Variants in PTK2B observed in about 807,000 individuals in gnomAD.
PTK2B encodes the protein protein tyrosine kinase 2 beta.
Under a neutral mutation model 142.9 loss-of-function variants are expected in PTK2B, and 71 were observed. That is an observed-to-expected ratio of 0.50 (90% CI 0.41 to 0.61). PTK2B has a LOEUF of 0.61. PTK2B is among the 20% of genes least tolerant of loss of function. PTK2B has a pLI of 0.00. For synonymous variants in PTK2B, 519 were observed against 503.4 expected, an observed-to-expected ratio of 1.03 and a Z score of -0.42; for missense variants, 1,105 against 1,320.4, an observed-to-expected ratio of 0.84 and a Z score of 2.53.
intron 21 of PTK2B, among the ~76,000 whole-genome samples, chr8:27,441,440 T>G (rs577351379): frequency 1.3e-5 from 2 of 152,340 alleles, no homozygotes; most frequent in Non-Finnish European, 2.9e-5. Context: ...GAAAAATATT[T>G]TTAATACTGT....
chr8:27,427,692 A>G (rs569572097), intron 5 of PTK2B, among the ~76,000 whole-genome samples: 26 of 152,308 alleles, frequency 1.7e-4, no homozygotes, highest in African/African-American at 5.3e-4. Flanking sequence ...TGAGCAGGTA[A>G]CACTGGCTTG....
At chr8:27,377,171 C>A (rs77290921) in intron 1 of PTK2B, among the ~76,000 whole-genome samples, 1 of 152,238 alleles carries the variant, frequency 6.6e-6, no homozygotes, top group Admixed American at 6.5e-5. Context: ...GTACTGAAAA[C>A]CAACCAGAAA....
intron 10 of PTK2B, 82 bp downstream of exon 10, chr8:27,432,443 G>A: frequency 7.4e-7 from 1 of 1,357,514 alleles, no homozygotes; most frequent in South Asian, 1.2e-5. Flanking sequence ...CAGACCAAAA[G>A]TCTGTGACAC....
intron 1 of PTK2B, among the ~76,000 whole-genome samples, chr8:27,355,900 G>T (rs1372571224): frequency 6.6e-6 from 1 of 151,980 alleles, no homozygotes; most frequent in Non-Finnish European, 1.5e-5. Context: ...GCAGGCACCT[G>T]TAATCTCAGC....
At chr8:27,382,317 A>T (rs563695694) in intron 1 of PTK2B, among the ~76,000 whole-genome samples, 45 of 152,180 alleles carry the variant, frequency 3.0e-4, no homozygotes, top group Middle Eastern at 3.4e-3. Flanking sequence ...ATTATTTACC[A>T]TTGAGTTGTT....
At chr8:27,407,798 C>T (rs1372528048) in intron 2 of PTK2B, among the ~76,000 whole-genome samples, 1 of 152,178 alleles carries the variant, frequency 6.6e-6, no homozygotes, top group East Asian at 1.9e-4. Context: ...GAGCCATGTT[C>T]ATCCTTCCCC....
chr8:27,364,035 T>A (rs1180670845), intron 1 of PTK2B, among the ~76,000 whole-genome samples: 1 of 152,262 alleles, frequency 6.6e-6, no homozygotes, highest in African/African-American at 2.4e-5. Flanking sequence ...ACACTCTACA[T>A]ACAAACACCT....
At chr8:27,430,317 TG>T in intron 6 of PTK2B, 46 bp from the exon 7 acceptor site, 1 of 1,611,422 alleles carries the variant, frequency 6.2e-7, no homozygotes, top group Non-Finnish European at 8.5e-7. Context: ...AGTCCTGTGG[TG>T]GGGGTGAGGG....
chr8:27,375,789 A>G (rs187707265), intron 1 of PTK2B, among the ~76,000 whole-genome samples: 4 of 152,248 alleles, frequency 2.6e-5, no homozygotes, highest in African/African-American at 9.6e-5. Flanking sequence ...ATGTCCACTT[A>G]TGTCTGGTTT....
intron 8 of PTK2B, 96 bp downstream of exon 8, chr8:27,431,112 C>A (rs774271032): frequency 2.0e-6 from 3 of 1,524,526 alleles, no homozygotes; most frequent in Non-Finnish European, 2.7e-6. Context: ...GCAATCGCTG[C>A]AGATTCTCAC....
chr8:27,401,647 T>C (rs945734860), intron 2 of PTK2B, among the ~76,000 whole-genome samples: 12 of 152,236 alleles, frequency 7.9e-5, no homozygotes, highest in African/African-American at 2.2e-4. Flanking sequence ...GTTTGGCTAT[T>C]TAAACCATGT....
intron 17 of PTK2B, 37 bp from the exon 18 acceptor site, chr8:27,437,728 A>ACTGGC (rs1330046621): frequency 6.3e-7 from 1 of 1,576,618 alleles, no homozygotes; most frequent in Non-Finnish European, 8.6e-7. Flanking sequence ...TACTGGGACC[A>ACTGGC]ACCAGGGGTC....
intron 11 of PTK2B, 40 bp from the exon 12 acceptor site, chr8:27,434,053 G>A: frequency 6.2e-7 from 1 of 1,609,626 alleles, no homozygotes; most frequent in Non-Finnish European, 8.5e-7. Context: ...AGGTCCCTGT[G>A]TCCCCAGCTC....
rs1278077287 is a variant in PTK2B at position 27,363,345 on chromosome 8, G to A, written c.-37-34203G>A. 6.6e-6 allele frequency among the ~76,000 whole-genome samples: 1 copy of A among 152,214 alleles called. No homozygotes were observed. Among genetic ancestry groups the A allele is most frequent in the Non-Finnish European group, 1.5e-5 (1 of 68,030 alleles). On this transcript the variant is annotated intron_variant, in intron 1 of 30. Coordinates refer to ENST00000346049, the MANE Select transcript of PTK2B (RefSeq NM_173176.3). This position sits in a 1 kb window ranked among gnomAD's most constrained non-coding sequence, Gnocchi z 4.3. The stretch of plus-strand genomic sequence containing the variant: ...TCCACTAGTGAAAGGTCAGGAGGTG[G>A]AAGTGAGATGGGTTTTGTTCTGTGC...
chr8:27,315,861 A>G (rs1206402134), intron 3 of PTK2B, among the ~76,000 whole-genome samples: 1 of 152,130 alleles, frequency 6.6e-6, no homozygotes, highest in Non-Finnish European at 1.5e-5. Context: ...CCTCCACTAT[A>G]AAAGAAAAGA....
chr8:27,382,382 A>G (rs909182977), intron 1 of PTK2B, among the ~76,000 whole-genome samples: 1 of 152,130 alleles, frequency 6.6e-6, no homozygotes, highest in Admixed American at 6.5e-5. Context: ...CGGTTTTCAC[A>G]TATTTTCTCC....
intron 1 of PTK2B, among the ~76,000 whole-genome samples, chr8:27,347,241 A>G (rs1804770424): frequency 6.6e-6 from 1 of 150,928 alleles, no homozygotes; most frequent in East Asian, 1.9e-4. Context: ...TTAACCAAGC[A>G]TGGTGGCATG....
intron 2 of PTK2B, among the ~76,000 whole-genome samples, chr8:27,417,877 GGACTTGGGAGT>G (rs1257270458): frequency 1.3e-5 from 2 of 152,126 alleles, no homozygotes; most frequent in Non-Finnish European, 2.9e-5. Context: ...GCTCCAGGAG[GGACTTGGGAGT>G]GACGTGGGGG....
At chr8:27,438,158 G>A (rs1468756392) in intron 18 of PTK2B, among the ~76,000 whole-genome samples, 2 of 152,208 alleles carry the variant, frequency 1.3e-5, no homozygotes, top group Non-Finnish European at 2.9e-5. Context: ...CCCTGTGAGT[G>A]CCAGGAAATC....
Sources: gnomAD v4.1 joint callset for allele counts (sites outside exome capture counted in the v4.1 genomes callset) on GRCh38, gnomAD v4.1.1 for gene constraint, Gnocchi (gnomAD v3.1) non-coding constraint, MANE v1.5 for transcripts, NCBI Gene and HGNC (gene_info 2026-07-23, HGNC 2026-07-21) for gene names.